The following CUEDC1 variants were observed in gnomAD, a reference collection of about 807,000 sequenced individuals.
The protein encoded by CUEDC1 is CUE domain-containing protein 1.
A neutral mutation model predicts 43.7 loss-of-function variants in CUEDC1; 30 were observed. The observed-to-expected ratio is 0.69, with a 90% confidence interval of 0.51 to 0.93. The LOEUF is 0.93. Ranked by LOEUF, CUEDC1 falls within the 40% of genes least tolerant of loss-of-function variation. The pLI is 0.00. For synonymous variants in CUEDC1, 223 were observed against 223.6 expected (o/e 1.00, Z 0.02); for missense variants, 486 against 549.0 (o/e 0.89, Z 1.15).
At chr17:57,883,815 G>T (rs2074249152) in intron 2 of CUEDC1, among the ~76,000 whole-genome samples, 1 of 152,182 alleles carries the variant, frequency 6.6e-6, no homozygotes, top group Non-Finnish European at 1.5e-5. Context: ...AATAAAGAGT[G>T]GAGTTAAATC....
At chr17:57,867,994 G>C (rs7223058) in intron 8 of CUEDC1, among the ~76,000 whole-genome samples, 156 bp downstream of exon 8, 27,492 of 152,104 alleles carry the variant, frequency 0.18, 2,877 homozygotes, top group African/African-American at 0.27. Flanking sequence ...GTGGACTGGT[G>C]GCCAAGCTCA....
intron 1 of CUEDC1, among the ~76,000 whole-genome samples, chr17:57,916,968 A>G (rs376406686): frequency 3.3e-4 from 50 of 152,116 alleles, no homozygotes; most frequent in African/African-American, 9.9e-4. Flanking sequence ...TGGGGACTGG[A>G]CTCTGTTCAT....
At chr17:57,873,426 T>C (rs1411796323) in intron 4 of CUEDC1, among the ~76,000 whole-genome samples, 165 bp downstream of exon 4, 1 of 152,170 alleles carries the variant, frequency 6.6e-6, no homozygotes, top group Non-Finnish European at 1.5e-5. Context: ...AGGCAGGAAG[T>C]GAGGCTTTCA....
At chr17:57,946,032 G>C (rs1399486841) in intron 1 of CUEDC1, among the ~76,000 whole-genome samples, 1 of 152,172 alleles carries the variant, frequency 6.6e-6, no homozygotes, top group African/African-American at 2.4e-5. Flanking sequence ...AAACCATTTG[G>C]TAATATTATT....
chr17:57,866,761 G>A, intron 9 of CUEDC1: 1 of 556,244 alleles, frequency 1.8e-6, no homozygotes, highest in Non-Finnish European at 3.2e-6. Flanking sequence ...TGAGACCTTG[G>A]ACAAGTTCTC....
At chr17:57,914,506 AG>A (rs1222100969) in intron 1 of CUEDC1, among the ~76,000 whole-genome samples, 1 of 152,092 alleles carries the variant, frequency 6.6e-6, no homozygotes, top group Non-Finnish European at 1.5e-5. Flanking sequence ...TCTCGGCAGG[AG>A]GTCTCTCTCA....
In CUEDC1 at chr17:57,868,056, A is replaced by G. The variant is rs1002959680; in HGVS notation, c.1034+94T>C. The G allele has an allele frequency of 3.3e-5, 35 of 1,060,860 alleles. 1 individual carries two copies. The Middle Eastern group carries it at 2.0e-3, about 59-fold the overall frequency. 65.7% of individuals were successfully genotyped at this position (1,060,860 alleles called of 1,614,324 possible). ...GGCCACAGAGCCGGGTTCCACTCCC[A>G]GGGGAGGGCACAGCTGCAGGGAGTC... On this transcript the variant is annotated intron_variant, in intron 8 of 10. Transcript: ENST00000577830.
chr17:57,896,917 G>A (rs188979729), intron 1 of CUEDC1, among the ~76,000 whole-genome samples: 2 of 151,494 alleles, frequency 1.3e-5, no homozygotes, highest in Middle Eastern at 3.2e-3. Flanking sequence ...CTACAGGTGC[G>A]TGCCACCATG....
At chr17:57,878,077 C>G (rs2074152366) in intron 3 of CUEDC1, among the ~76,000 whole-genome samples, 1 of 152,080 alleles carries the variant, frequency 6.6e-6, no homozygotes, top group African/African-American at 2.4e-5. Flanking sequence ...CTGTCCCTGA[C>G]TCAAAACACT....
At chr17:57,937,111 A>G (rs1013420250) in intron 1 of CUEDC1, among the ~76,000 whole-genome samples, 37 of 151,204 alleles carry the variant, frequency 2.4e-4, no homozygotes, top group Non-Finnish European at 3.8e-4. Context: ...GAGCCACCGC[A>G]CCCAGCCCTC....
chr17:57,870,927 C>T (rs2144922242), intron 6 of CUEDC1, among the ~76,000 whole-genome samples: 1 of 152,332 alleles, frequency 6.6e-6, no homozygotes, highest in South Asian at 2.1e-4. Flanking sequence ...AAGCAATCCA[C>T]TCTCCTCGGC....
chr17:57,914,382 G>T lies in CUEDC1; in HGVS notation c.-315-28503C>A, dbSNP rs936230391. On this transcript the variant is annotated intron_variant, in intron 1 of 10. Coordinates refer to ENST00000577830, the MANE Select transcript of CUEDC1 (RefSeq NM_001271875.2). ...GAGTTAAACCTTGGGGGGTCGGGAG[G>T]AGCTACCTCTGAAGTCCTTGCTCCC... 3.9e-5 allele frequency among the ~76,000 whole-genome samples: 6 copies of T among 152,144 alleles called. No individual in the cohort carries two copies. The South Asian group carries it at 1.2e-3, about 32-fold the overall frequency.
chr17:57,888,834 C>T (rs1034103483), intron 1 of CUEDC1, among the ~76,000 whole-genome samples: 7 of 152,252 alleles, frequency 4.6e-5, no homozygotes, highest in African/African-American at 1.7e-4. Flanking sequence ...CATCATCTCT[C>T]TGCCCCTCCA....
chr17:57,900,333 C>T (rs2074458329), intron 1 of CUEDC1, among the ~76,000 whole-genome samples: 1 of 152,178 alleles, frequency 6.6e-6, no homozygotes, highest in South Asian at 2.1e-4. Context: ...AGAAAGGCAC[C>T]ACTGTTCTAG....
chr17:57,909,754 G>GCTC (rs1184069553), intron 1 of CUEDC1, among the ~76,000 whole-genome samples: 4 of 152,208 alleles, frequency 2.6e-5, no homozygotes, highest in Non-Finnish European at 5.9e-5. Context: ...ACATCCCCAG[G>GCTC]CTCCTCCCCT....
rs1386889743 is a variant in CUEDC1, at chr17:57,897,397, G to A, written c.-315-11518C>T. Among the ~76,000 whole-genome samples the A allele has an allele frequency of 2.0e-5, 3 of 152,234 alleles. No homozygotes were observed. In the East Asian group the frequency reaches 5.8e-4, roughly 29 times the overall value. ...TAATTAAAAGTTTTTCTAGCCGGGC[G>A]CAGTGGCTCACGCCTGTAATCCCAG... On this transcript the variant is annotated intron_variant, in intron 1 of 10. Coordinates refer to ENST00000577830, the MANE Select transcript of CUEDC1 (RefSeq NM_001271875.2).
At chr17:57,864,618 T>C (rs909305880) in intron 10 of CUEDC1, among the ~76,000 whole-genome samples, 6 of 151,422 alleles carry the variant, frequency 4.0e-5, no homozygotes, top group African/African-American at 1.5e-4. Flanking sequence ...ATCCGAGTGA[T>C]GGGAGGGGCT....
chr17:57,911,011 C>A (rs543000970), intron 1 of CUEDC1, among the ~76,000 whole-genome samples: 1 of 152,134 alleles, frequency 6.6e-6, no homozygotes. Flanking sequence ...ATGCCACCAA[C>A]GGAAGAGCAG....
At chr17:57,938,240 T>C (rs2074880615) in intron 1 of CUEDC1, among the ~76,000 whole-genome samples, 1 of 152,208 alleles carries the variant, frequency 6.6e-6, no homozygotes, top group African/African-American at 2.4e-5. Context: ...CAGTTTCAAG[T>C]GTAGAAGCAT....
Sources: gnomAD v4.1 joint callset for allele counts (sites outside exome capture counted in the v4.1 genomes callset) on GRCh38, gnomAD v4.1.1 for gene constraint, MANE v1.5 for transcripts, NCBI Gene and HGNC (gene_info 2026-07-23, HGNC 2026-07-21) for gene names.